MACROD2: variants seen among roughly 807,000 people sequenced by gnomAD.
MACROD2 encodes the protein ADP-ribose glycohydrolase MACROD2.
A neutral mutation model predicts 70.4 loss-of-function variants in MACROD2; 36 were observed. The observed-to-expected ratio is 0.51, with a 90% confidence interval of 0.39 to 0.68. The LOEUF (loss-of-function observed/expected upper bound fraction) is 0.68, where lower values mean the gene tolerates loss of function less well. Among genes scored for constraint, MACROD2 ranks in the 30% least tolerant of loss-of-function variants. The pLI is 0.00. For synonymous variants in MACROD2, 172 were observed against 178.8 expected (o/e 0.96, Z 0.30); for missense variants, 496 against 538.4 (o/e 0.92, Z 0.78).
intron 10 of MACROD2, among the ~76,000 whole-genome samples, chr20:15,895,697 A>T (rs2147230350): frequency 6.6e-6 from 1 of 152,308 alleles, no homozygotes; most frequent in South Asian, 2.1e-4. Flanking sequence ...TGCAATGGCA[A>T]CCTTTACTTA....
chr20:14,436,430 A>G (rs2084057168), intron 3 of MACROD2, among the ~76,000 whole-genome samples: 3 of 152,170 alleles, frequency 2.0e-5, no homozygotes, highest in South Asian at 2.1e-4. Context: ...ATACTTAATT[A>G]TGCTGTTTTC....
At chr20:15,724,394 A>G (rs1485312136) in intron 8 of MACROD2, among the ~76,000 whole-genome samples, 1 of 152,216 alleles carries the variant, frequency 6.6e-6, no homozygotes, top group African/African-American at 2.4e-5. Flanking sequence ...TAAGAGTCTT[A>G]TAGTTTCACA....
intron 8 of MACROD2, among the ~76,000 whole-genome samples, chr20:15,582,402 A>G (rs1241083717): frequency 1.3e-5 from 2 of 152,208 alleles, no homozygotes; most frequent in South Asian, 2.1e-4. Flanking sequence ...CCTGGTGTGC[A>G]TATACTTTGC....
intron 5 of MACROD2, among the ~76,000 whole-genome samples, chr20:14,890,812 T>C (rs2073746792): frequency 6.6e-6 from 1 of 150,996 alleles, no homozygotes; most frequent in East Asian, 1.9e-4. Context: ...AGAAATTCTG[T>C]TGAAAGGTAA....
At chr20:14,669,163 C>G (rs1473440193) in intron 4 of MACROD2, among the ~76,000 whole-genome samples, 1 of 152,104 alleles carries the variant, frequency 6.6e-6, no homozygotes, top group Non-Finnish European at 1.5e-5. Flanking sequence ...CAATAAATGT[C>G]ATCTTTATGT....
chr20:14,949,898 C>T (rs555895021), intron 5 of MACROD2, among the ~76,000 whole-genome samples: 2 of 152,238 alleles, frequency 1.3e-5, no homozygotes, highest in Admixed American at 1.3e-4. Context: ...CTTTGTTTAA[C>T]TGAAGCTCAA....
chr20:15,076,388 A>G (rs2075658435), intron 5 of MACROD2, among the ~76,000 whole-genome samples: 1 of 152,180 alleles, frequency 6.6e-6, no homozygotes, highest in Non-Finnish European at 1.5e-5. Context: ...TTTCCTTAGA[A>G]AAGATTTTCA....
At chr20:14,677,914 T>TA (rs1205642840) in intron 4 of MACROD2, among the ~76,000 whole-genome samples, 13 of 151,996 alleles carry the variant, frequency 8.6e-5, no homozygotes, top group East Asian at 3.9e-4. Flanking sequence ...TGCACAAGTT[T>TA]AAAAAAAACA....
chr20:15,700,993 C>T (rs2050449635), intron 8 of MACROD2, among the ~76,000 whole-genome samples: 1 of 152,222 alleles, frequency 6.6e-6, no homozygotes, highest in Non-Finnish European at 1.5e-5. Flanking sequence ...GAGCCCCATT[C>T]AGCTGTTTAA....
intron 11 of MACROD2, 140 bp downstream of exon 11, chr20:15,933,478 A>T: frequency 1.5e-6 from 1 of 674,852 alleles, no homozygotes; most frequent in East Asian, 3.0e-5. Context: ...CTCCCTCAGG[A>T]AGCCACCATC....
intron 8 of MACROD2, among the ~76,000 whole-genome samples, chr20:15,690,455 CTAGAG>C (rs1362414694): frequency 1.3e-5 from 2 of 152,106 alleles, no homozygotes; most frequent in Non-Finnish European, 1.5e-5. Context: ...TCTAATCTGA[CTAGAG>C]TAGAGACCAA....
chr20:14,492,954 GTTTA>G (rs1568637865), intron 3 of MACROD2, among the ~76,000 whole-genome samples: 2 of 151,906 alleles, frequency 1.3e-5, no homozygotes, highest in African/African-American at 4.8e-5. Context: ...ATTGTTTAAC[GTTTA>G]TTTCTTTCCT....
intron 5 of MACROD2, among the ~76,000 whole-genome samples, chr20:15,116,668 T>C (rs2075993871): frequency 6.6e-6 from 1 of 152,184 alleles, no homozygotes; most frequent in African/African-American, 2.4e-5. Context: ...AAATGTATTT[T>C]CTATTCCTTA....
chr20:14,940,400 T>C (rs1476098649), intron 5 of MACROD2, among the ~76,000 whole-genome samples: 2 of 152,170 alleles, frequency 1.3e-5, no homozygotes, highest in African/African-American at 4.8e-5. Flanking sequence ...TTTCTTTATC[T>C]TGCCCAAGTG....
intron 5 of MACROD2, among the ~76,000 whole-genome samples, chr20:15,127,476 G>A (rs2076075096): frequency 6.6e-6 from 1 of 152,058 alleles, no homozygotes; most frequent in South Asian, 2.1e-4. Context: ...CACCTTAGGT[G>A]AGAGATTCTG....
At chr20:15,392,782 CCTCT>C (rs1412578953) in intron 6 of MACROD2, among the ~76,000 whole-genome samples, 4 of 152,032 alleles carry the variant, frequency 2.6e-5, no homozygotes, top group Non-Finnish European at 4.4e-5. Flanking sequence ...TCTCTCCCTC[CCTCT>C]CTGTCTTCCT....
chr20:15,509,319 G>A (rs1252401604), intron 8 of MACROD2, among the ~76,000 whole-genome samples: 1 of 152,094 alleles, frequency 6.6e-6, no homozygotes, highest in Non-Finnish European at 1.5e-5. Flanking sequence ...CAACCTGGAG[G>A]TAGGAAACAC....
At chr20:14,349,516 A>G (rs1356413476) in intron 3 of MACROD2, among the ~76,000 whole-genome samples, 2 of 148,492 alleles carry the variant, frequency 1.3e-5, no homozygotes, top group South Asian at 2.1e-4. Context: ...TTAACCATAT[A>G]TATTGTATCT....
chr20:14,545,394 CT>C (rs2085480919), intron 4 of MACROD2, among the ~76,000 whole-genome samples: 1 of 152,110 alleles, frequency 6.6e-6, no homozygotes, highest in African/African-American at 2.4e-5. Flanking sequence ...CTCAGGTGAT[CT>C]AGTCATTACA....
Sources: allele counts gnomAD v4.1 joint callset (sites outside exome capture counted in the v4.1 genomes callset), GRCh38; gene constraint gnomAD v4.1.1; transcripts MANE v1.5; gene names NCBI Gene and HGNC (gene_info 2026-07-23, HGNC 2026-07-21).